ROBO1: variants seen among roughly 807,000 people sequenced by gnomAD.
The protein encoded by ROBO1 is roundabout homolog 1.
ROBO1 carries 149 observed loss-of-function variants against 195.9 expected under a neutral mutation model. The observed-to-expected ratio is 0.76, with a 90% CI of 0.67 to 0.87. The LOEUF is 0.87. Ranked by LOEUF, ROBO1 falls within the 40% of genes least tolerant of loss-of-function variation. ROBO1 has a pLI of 0.00. For missense variants in ROBO1, 1,933 were observed against 2,068.3 expected, an observed-to-expected ratio of 0.93 and a Z score of 1.27; for synonymous variants, 816 against 733.2, an observed-to-expected ratio of 1.11 and a Z score of -1.82.
At chr3:79,544,233 G>A (rs1942180811) in intron 2 of ROBO1, among the ~76,000 whole-genome samples, 1 of 151,444 alleles carries the variant, frequency 6.6e-6, no homozygotes, top group Non-Finnish European at 1.5e-5. Flanking sequence ...TATCTTTCAG[G>A]GCCGCTAATC....
intron 2 of ROBO1, among the ~76,000 whole-genome samples, chr3:79,434,436 C>T (rs562700823): frequency 1.3e-5 from 2 of 152,268 alleles, no homozygotes; most frequent in African/African-American, 4.8e-5. Flanking sequence ...CAAAAGAAGA[C>T]ATTTATGCAG....
chr3:79,379,044 T>G (rs2036481142), intron 2 of ROBO1, among the ~76,000 whole-genome samples: 1 of 152,202 alleles, frequency 6.6e-6, no homozygotes, highest in Non-Finnish European at 1.5e-5. Context: ...CGAATTGATA[T>G]AATAGATTCT....
intron 2 of ROBO1, among the ~76,000 whole-genome samples, chr3:79,241,124 G>T (rs1355273258): frequency 1.3e-5 from 2 of 152,022 alleles, no homozygotes; most frequent in Non-Finnish European, 2.9e-5. Flanking sequence ...TTCTCTAAAT[G>T]ATCTCATTGT....
chr3:79,034,161 A>C (rs999477558), intron 3 of ROBO1, among the ~76,000 whole-genome samples: 1 of 152,216 alleles, frequency 6.6e-6, no homozygotes, highest in African/African-American at 2.4e-5. Context: ...TCATCCTAGA[A>C]AATACTATTA....
chr3:79,537,797 A>C (rs1158458433), intron 2 of ROBO1, among the ~76,000 whole-genome samples: 1 of 151,936 alleles, frequency 6.6e-6, no homozygotes, highest in Non-Finnish European at 1.5e-5. Flanking sequence ...GGGGCTTAAA[A>C]CCAGGTGATG....
chr3:79,202,607 C>CA (rs1280420799), intron 2 of ROBO1, among the ~76,000 whole-genome samples: 5,733 of 98,860 alleles, frequency 0.058, 131 homozygotes, highest in Middle Eastern at 0.11. Flanking sequence ...TCACTCATTT[C>CA]AAAAAAAAAA....
At chr3:79,566,025 T>C (rs1325187378) in intron 2 of ROBO1, among the ~76,000 whole-genome samples, 1 of 152,142 alleles carries the variant, frequency 6.6e-6, no homozygotes, top group East Asian at 1.9e-4. Context: ...AGCACTTGTT[T>C]CCTGGATCCA....
chr3:79,140,746 G>C (rs2080508419), intron 2 of ROBO1, among the ~76,000 whole-genome samples: 1 of 152,120 alleles, frequency 6.6e-6, no homozygotes, highest in Non-Finnish European at 1.5e-5. Context: ...AGTGAATAAT[G>C]CATCAGTTAA....
At chr3:78,747,556 A>G (rs1187807959) in intron 4 of ROBO1, among the ~76,000 whole-genome samples, 2 of 152,158 alleles carry the variant, frequency 1.3e-5, no homozygotes, top group South Asian at 2.1e-4. Flanking sequence ...TACCAACAGC[A>G]TCACTTTTAT....
At chr3:79,440,018 G>A (rs1190442868) in intron 2 of ROBO1, among the ~76,000 whole-genome samples, 1 of 152,058 alleles carries the variant, frequency 6.6e-6, no homozygotes, top group East Asian at 1.9e-4. Context: ...CTAACAGATA[G>A]AACAAAAGGT....
chr3:78,842,805 C>T (rs928065595), intron 4 of ROBO1, among the ~76,000 whole-genome samples: 1 of 151,474 alleles, frequency 6.6e-6, no homozygotes, highest in Non-Finnish European at 1.5e-5. Flanking sequence ...TTTGGCAATA[C>T]CTAAAAATAA....
chr3:78,756,665 G>A (rs2082940629), intron 4 of ROBO1, among the ~76,000 whole-genome samples: 1 of 152,156 alleles, frequency 6.6e-6, no homozygotes, highest in Non-Finnish European at 1.5e-5. Flanking sequence ...ATGTGTGTAT[G>A]TGTGTGTATT....
intron 2 of ROBO1, among the ~76,000 whole-genome samples, chr3:79,200,092 C>A (rs1395798640): frequency 1.3e-5 from 2 of 151,582 alleles, no homozygotes; most frequent in Non-Finnish European, 3.0e-5. Context: ...TAAAGCAAAG[C>A]AGAGAAATAA....
At chr3:78,651,697 A>C in intron 19 of ROBO1, 35 bp downstream of exon 19, 1 of 1,454,820 alleles carries the variant, frequency 6.9e-7, no homozygotes, top group Non-Finnish European at 9.2e-7. Context: ...AGTTTTATAA[A>C]CATTAAAATA....
intron 2 of ROBO1, among the ~76,000 whole-genome samples, chr3:79,317,523 T>C (rs2033790147): frequency 6.6e-6 from 1 of 152,106 alleles, no homozygotes. Context: ...CAGGATAAAA[T>C]GAAAAAAAAT....
intron 4 of ROBO1, among the ~76,000 whole-genome samples, chr3:78,870,938 C>G (rs331144): frequency 0.76 from 116,323 of 152,080 alleles, 44,821 homozygotes; most frequent in Middle Eastern, 0.87. Flanking sequence ...TAAAAATAAC[C>G]ACACATGCTT....
chr3:79,424,053 T>C lies in ROBO1; in HGVS notation c.88+165771A>G, dbSNP rs529948555. Among the ~76,000 whole-genome samples the C allele has an allele frequency of 4.6e-5, 7 of 152,186 alleles. No individual in the cohort carries two copies. The East Asian group carries it at 7.7e-4, about 17-fold the overall frequency. On this transcript the variant is annotated intron_variant, in intron 2 of 30. Coordinates refer to ENST00000464233, the MANE Select transcript of ROBO1 (RefSeq NM_002941.4). The stretch of plus-strand genomic sequence containing the variant: ...GTCTTAGACATCATATTTACTCTTG[T>C]AGTTTCTTCTTTTAAAGATGTTGCT...
At chr3:78,663,016 T>C (rs1196247198) in intron 14 of ROBO1, among the ~76,000 whole-genome samples, 2 of 152,082 alleles carry the variant, frequency 1.3e-5, no homozygotes, top group African/African-American at 4.8e-5. Context: ...GAAGAAAATG[T>C]TTTTTGGACT....
At chr3:78,794,185 C>G (rs2108541247) in intron 4 of ROBO1, among the ~76,000 whole-genome samples, 1 of 152,276 alleles carries the variant, frequency 6.6e-6, no homozygotes, top group African/African-American at 2.4e-5. Context: ...TGGCTCTTAT[C>G]TGAGCTAGCT....
Sources: allele counts gnomAD v4.1 joint callset (sites outside exome capture counted in the v4.1 genomes callset), GRCh38; gene constraint gnomAD v4.1.1; transcripts MANE v1.5; gene names NCBI Gene and HGNC (gene_info 2026-07-23, HGNC 2026-07-21).